PCIF1: variants seen among roughly 807,000 people sequenced by gnomAD.
The protein encoded by PCIF1 is mRNA (2'-O-methyladenosine-N(6)-)-methyltransferase.
PCIF1 carries 12 observed loss-of-function variants against 86.9 expected under a neutral mutation model. That is an observed-to-expected ratio of 0.14 (90% CI 0.09 to 0.22). PCIF1 has a LOEUF of 0.22. Ranked by LOEUF, PCIF1 falls within the 10% of genes least tolerant of loss-of-function variation. The pLI is 1.00. For synonymous variants in PCIF1, 397 were observed against 372.0 expected (o/e 1.07, Z -0.77); for missense variants, 701 against 951.1 (o/e 0.74, Z 3.46).
intron 4 of PCIF1, among the ~76,000 whole-genome samples, chr20:45,940,059 C>T (rs904754036): frequency 4.6e-5 from 7 of 152,204 alleles, no homozygotes; most frequent in Admixed American, 4.6e-4. Context: ...TCAGTGTTAC[C>T]AAGAGTCCCA....
chr20:45,944,798 C>T lies in PCIF1; in HGVS notation c.1006-70C>T, dbSNP rs918645456. ...GGACTGCTGGACTCCAACAGCCCTG[C>T]GGTTACCTGCCAGCCCAGCTGAGCC... On this transcript the variant is annotated intron_variant, in intron 10 of 16. Coordinates refer to ENST00000372409, the MANE Select transcript of PCIF1 (RefSeq NM_022104.4). 7.2e-6 allele frequency: 11 copies of T among 1,528,492 alleles called. No individual in the cohort carries two copies. In the African/African-American group the frequency reaches 8.2e-5, roughly 11 times the overall value. The allele number at this position is 1,528,492 out of a possible 1,614,324, so 94.7% of individuals were successfully genotyped here.
At position 45,937,441 on chromosome 20, in the gene PCIF1, G is replaced by A; in HGVS notation, c.-164G>A. 2.5e-6 allele frequency: 1 copy of A among 399,312 alleles called. No homozygotes were observed. 24.7% of individuals were successfully genotyped at this position (399,312 alleles called of 1,614,324 possible). On this transcript the variant is annotated 5_prime_UTR_variant, in exon 2 of 17. The change creates a premature stop within an existing upstream ORF in the 5' untranslated region. Coordinates refer to ENST00000372409, the MANE Select transcript of PCIF1 (RefSeq NM_022104.4). ...AGCTGCTGATGCAAGGAATCCCCTG[G>A]GCTCCCGTCCACTCCACTGCTGACC... is the stretch of plus-strand genomic sequence containing the variant.
rs534457876 is a variant in PCIF1, at chr20:45,945,741, G to A, written c.1199G>A (p.Arg400His). ...EEVEAPEVEP[R>H]LVYCYPVRLA... The stretch of plus-strand genomic sequence containing the variant: ...GTGGAGGCCCCTGAGGTGGAGCCCC[G>A]CCTAGTGTACTGCTACCCAGTCCGG... The change falls in exon 12 of 17, where the codon CGC becomes CAC. Residue 400 changes from arginine to histidine, a missense_variant. By Grantham distance (29) the Arg-to-His change is conservative. Around this residue, in one of 7 missense-constraint regions of PCIF1, gnomAD observed 121 missense variants for 131.7 expected, o/e 0.92. Coordinates refer to ENST00000372409, the MANE Select transcript of PCIF1 (RefSeq NM_022104.4). 27 of 1,613,782 alleles carry A rather than the reference G, an allele frequency of 1.7e-5. No individual in the cohort carries two copies. Among genetic ancestry groups the A allele is most frequent in the East Asian group, 2.2e-5 (1 of 44,878 alleles).
intron 10 of PCIF1, 146 bp from the exon 11 acceptor site, chr20:45,944,722 G>A: frequency 1.3e-6 from 1 of 796,680 alleles, no homozygotes; most frequent in Non-Finnish European, 1.9e-6. Context: ...GAAGCCAGGG[G>A]ATTTGTCCAA....
At chr20:45,944,010 C>T (rs1234186993) in intron 10 of PCIF1, among the ~76,000 whole-genome samples, 1 of 152,254 alleles carries the variant, frequency 6.6e-6, no homozygotes, top group Middle Eastern at 3.4e-3. Flanking sequence ...TGCTTGGCCA[C>T]ACACCACAGA....
Position 45,947,670 on chromosome 20 carries a change from G to C in PCIF1, c.2030G>C (p.Gly677Ala), listed in dbSNP as rs748431263. Residue 677 changes from glycine (G) to alanine (A), a missense_variant, in exon 17 of 17, where the codon GGT becomes GCT. By Grantham distance (60) the Gly-to-Ala change is moderately conservative (BLOSUM62 0). Coordinates refer to ENST00000372409, the MANE Select transcript of PCIF1 (RefSeq NM_022104.4). This position sits in a 1 kb window ranked among gnomAD's most constrained non-coding sequence, Gnocchi z 5.4. ...CAGTCAGGCCGCAGCCACAGCTCTG[G>C]TTCTTCCTCATCGTCCTCCTCGGAG... ...YRQSGRSHSS[G>A]SSSSSSSEAK... 1 of 1,612,130 alleles carries C rather than the reference G, an allele frequency of 6.2e-7. No homozygotes were observed. Among genetic ancestry groups the C allele is most frequent in the Non-Finnish European group, 8.5e-7 (1 of 1,179,506 alleles).
At chr20:45,945,558 T>C (rs928355921) in intron 11 of PCIF1, among the ~76,000 whole-genome samples, 153 bp from the exon 12 acceptor site, 6 of 152,164 alleles carry the variant, frequency 3.9e-5, no homozygotes, top group African/African-American at 1.4e-4. Context: ...CTGGTTTCTT[T>C]TTATGGCTTT....
In PCIF1 at chr20:45,947,499, CCT is replaced by C. The variant is rs1568798578; in HGVS notation, c.1884-24_1884-23del. The C allele has an allele frequency of 6.2e-7, 1 of 1,613,596 alleles. No individual in the cohort carries two copies. Among genetic ancestry groups the C allele is most frequent in the Non-Finnish European group, 8.5e-7 (1 of 1,179,940 alleles). Reference sequence around the variant, plus strand: ...CTGGCCAGGCCAGGCCCAGCCCCACCCTGAGCCATTGCCTTTGCCCGCAGGGA... The same window carrying C: ...CTGGCCAGGCCAGGCCCAGCCCCACCGAGCCATTGCCTTTGCCCGCAGGGA... On this transcript the variant is annotated intron_variant, in intron 16 of 16. Coordinates refer to ENST00000372409, the MANE Select transcript of PCIF1 (RefSeq NM_022104.4). This position sits in a 1 kb window ranked among gnomAD's most constrained non-coding sequence, Gnocchi z 5.4.
intron 12 of PCIF1, 56 bp downstream of exon 12, chr20:45,945,939 C>CT (rs771692001): frequency 3.1e-6 from 5 of 1,612,864 alleles, no homozygotes; most frequent in Non-Finnish European, 4.2e-6. Flanking sequence ...GGCCTAGGAT[C>CT]TTTCCTGAGC....
intron 11 of PCIF1, 131 bp downstream of exon 11, chr20:45,945,161 T>C (rs868481056): frequency 1.8e-6 from 2 of 1,121,198 alleles, no homozygotes; most frequent in Non-Finnish European, 1.2e-6. Context: ...CCTTTGGCTG[T>C]ACTTCTCTGG....
chr20:45,940,831 C>T lies in PCIF1; in HGVS notation c.410C>T (p.Thr137Ile), dbSNP rs45443494. Residue 137 changes from threonine (T) to isoleucine (I), a missense_variant, in exon 6 of 17, where the codon ACA becomes ATA. This residue lies in a region of PCIF1 where 125 missense variants were observed against 126.8 expected (regional missense o/e 0.99). Transcript: ENST00000372409. ...CAGATTGAAATCCCAGTGACACCCA[C>T]AGGCCAGTCGGTGCCCAGCTCCCCC... ...KPKIEIPVTP[T>I]GQSVPSSPSI... The T allele has an allele frequency of 2.0e-5, 32 of 1,613,948 alleles. No individual in the cohort carries two copies. The highest frequency in any genetic ancestry group is 2.4e-5 in the Non-Finnish European group (28 of 1,179,884).
In PCIF1 at chr20:45,947,058, C is replaced by A; in HGVS notation, c.1614-15C>A. 6.3e-7 allele frequency: 1 copy of A among 1,593,468 alleles called. No individual in the cohort carries two copies. The highest frequency in any genetic ancestry group is 1.1e-5 in the South Asian group (1 of 89,708). ...GGGTCCTGATGGGACTTAGAATGCTCACTCCTGTCCCCAGGCCCTGCCTAG... is the reference window on the plus strand; with the variant it reads ...GGGTCCTGATGGGACTTAGAATGCTAACTCCTGTCCCCAGGCCCTGCCTAG... On this transcript the variant is annotated splice_polypyrimidine_tract_variant and intron_variant, in intron 14 of 16. Transcript: ENST00000372409. This position sits in a 1 kb window ranked among gnomAD's most constrained non-coding sequence, Gnocchi z 5.4.
Position 45,946,130 on chromosome 20 carries a change from C to T in PCIF1, c.1428+15C>T. The T allele has an allele frequency of 6.2e-7, 1 of 1,614,154 alleles. No individual in the cohort carries two copies. The highest frequency in any genetic ancestry group is 1.7e-5 in the Admixed American group (1 of 60,036). On this transcript the variant is annotated intron_variant, in intron 13 of 16. Coordinates refer to ENST00000372409, the MANE Select transcript of PCIF1 (RefSeq NM_022104.4). ...GACGGTACCAGGTACAGGCCTGGGG[C>T]AGCAGGGAGGGCTCCCCAGGAGGGA...
intron 11 of PCIF1, 103 bp from the exon 12 acceptor site, chr20:45,945,608 C>T: frequency 2.2e-6 from 3 of 1,378,274 alleles, no homozygotes; most frequent in Non-Finnish European, 3.0e-6. Flanking sequence ...GTATACTGAT[C>T]TGTGGAATGG....
chr20:45,938,210 G>A (rs573982650), intron 2 of PCIF1, among the ~76,000 whole-genome samples: 1 of 152,210 alleles, frequency 6.6e-6, no homozygotes, highest in East Asian at 1.9e-4. Context: ...GGTACTTACA[G>A]TAAATATTCA....
In PCIF1 at chr20:45,935,455, CA is replaced by C. The variant is rs1341710923; in HGVS notation, c.-188+652del. The stretch of plus-strand genomic sequence containing the variant: ...GGTATGCGTGGGGGTCGGGAAGCCA[CA>C]GGATAAATAAAGACGTTAACTTAAG... On this transcript the variant is annotated intron_variant, in intron 1 of 16. Transcript: ENST00000372409. Among the ~76,000 whole-genome samples the C allele has an allele frequency of 3.3e-5, 5 of 152,214 alleles. No individual in the cohort carries two copies. In the East Asian group the frequency reaches 9.7e-4, roughly 29 times the overall value.
Position 45,943,820 on chromosome 20 carries a change from C to A in PCIF1, c.1005+55C>A, listed in dbSNP as rs1332914834. ...TTTTAGGGCTCTGTGGCCACTTCCT[C>A]CAGGAAGCCTACTCTGCCTGTCCAG... On this transcript the variant is annotated intron_variant, in intron 10 of 16. Transcript: ENST00000372409. The surrounding 1 kb of genome is among the most constrained non-coding windows in gnomAD (Gnocchi z 5.5). 2.1e-6 allele frequency: 3 copies of A among 1,442,506 alleles called. No homozygotes were observed. Among genetic ancestry groups the A allele is most frequent in the Non-Finnish European group, 2.9e-6 (3 of 1,052,618 alleles). 89.4% of individuals were successfully genotyped at this position (1,442,506 alleles called of 1,614,324 possible). A position where few individuals can be genotyped will look rare whatever the true frequency, so the allele number is the denominator to read the frequency against.
At chr20:45,934,946 C>T (rs2083403958) in intron 1 of PCIF1, 142 bp downstream of exon 1, 1 of 395,548 alleles carries the variant, frequency 2.5e-6, no homozygotes, top group East Asian at 3.6e-5. Context: ...CATCTTAGAC[C>T]CGCGGGTGGG....
Position 45,940,925 on chromosome 20 carries a change from C to G in PCIF1, c.504C>G (p.Leu168=), listed in dbSNP as rs1298437781. 5 of 1,614,164 alleles carry G rather than the reference C, an allele frequency of 3.1e-6. No homozygotes were observed. The highest frequency in any genetic ancestry group is 1.7e-6 in the Non-Finnish European group (2 of 1,180,022). ...TSPEDKQQAA[L]LRPTEVYWDL... ...CTGAAGATAAACAGCAGGCAGCTCTCCTACGACCCACTGAGTGAGTCCCTG... is the reference window on the plus strand; with the variant it reads ...CTGAAGATAAACAGCAGGCAGCTCTGCTACGACCCACTGAGTGAGTCCCTG... The change falls in exon 6 of 17, where the codon CTC becomes CTG. Residue 168 remains leucine (L), a synonymous_variant. Transcript: ENST00000372409.
Sources: allele counts gnomAD v4.1 joint callset (sites outside exome capture counted in the v4.1 genomes callset), GRCh38; gene constraint gnomAD v4.1.1; regional missense constraint gnomAD v4.1.1; non-coding constraint Gnocchi (gnomAD v3.1); transcripts MANE v1.5; gene names NCBI Gene and HGNC (gene_info 2026-07-23, HGNC 2026-07-21).